Variants in WASL observed in about 807,000 individuals in gnomAD.
The protein encoded by WASL is WASP like actin nucleation promoting factor.
A neutral mutation model predicts 55.5 loss-of-function variants in WASL; 20 were observed. The ratio of observed to expected loss-of-function variants is 0.36; its 90% CI spans 0.25 to 0.52. The LOEUF is 0.52. Among genes scored for constraint, WASL ranks in the 20% least tolerant of loss-of-function variants. The pLI is 0.92. For synonymous variants in WASL, 249 were observed against 217.6 expected (o/e 1.14, Z -1.27); for missense variants, 504 against 622.5 (o/e 0.81, Z 2.03).
At chr7:123,713,188 C>T (rs1803786408) in intron 1 of WASL, among the ~76,000 whole-genome samples, 1 of 152,144 alleles carries the variant, frequency 6.6e-6, no homozygotes, top group South Asian at 2.1e-4. Context: ...TGCTCTGTCA[C>T]CCAGGCAGGA....
At chr7:123,717,303 T>C (rs1199505101) in intron 1 of WASL, among the ~76,000 whole-genome samples, 2 of 152,218 alleles carry the variant, frequency 1.3e-5, no homozygotes, top group African/African-American at 4.8e-5. Flanking sequence ...TTTCAGGATC[T>C]TTTACTTCGT....
At chr7:123,713,615 A>C (rs975851539) in intron 1 of WASL, among the ~76,000 whole-genome samples, 4 of 152,200 alleles carry the variant, frequency 2.6e-5, no homozygotes, top group Admixed American at 6.5e-5. Flanking sequence ...ATTTGGCCTC[A>C]AATGTCTGAA....
chr7:123,702,427 A>C (rs1562959432), intron 5 of WASL, among the ~76,000 whole-genome samples: 1 of 152,170 alleles, frequency 6.6e-6, no homozygotes, highest in South Asian at 2.1e-4. Flanking sequence ...CTGTTATATA[A>C]AGAATTTTCA....
chr7:123,735,671 C>T (rs1019073063), intron 1 of WASL, among the ~76,000 whole-genome samples: 4 of 151,926 alleles, frequency 2.6e-5, no homozygotes, highest in Admixed American at 6.6e-5. Flanking sequence ...GTTTTTATGG[C>T]AGATTAGATA....
chr7:123,733,029 T>C (rs938192452), intron 1 of WASL, among the ~76,000 whole-genome samples: 3 of 152,136 alleles, frequency 2.0e-5, no homozygotes, highest in African/African-American at 7.2e-5. Flanking sequence ...TGATAAAGCA[T>C]TTCCATCAAT....
intron 1 of WASL, among the ~76,000 whole-genome samples, chr7:123,747,896 G>C (rs1804462086): frequency 6.6e-6 from 1 of 152,076 alleles, no homozygotes; most frequent in Admixed American, 6.5e-5. Flanking sequence ...AATCATTCTC[G>C]GCCCCAAAAG....
chr7:123,726,978 C>CATT (rs1804055269), intron 1 of WASL, among the ~76,000 whole-genome samples: 1 of 152,066 alleles, frequency 6.6e-6, no homozygotes, highest in Admixed American at 6.6e-5. Flanking sequence ...CCCTACAAAT[C>CATT]ATTAATAAAG....
chr7:123,700,968 A>C (rs1163119458), intron 5 of WASL, among the ~76,000 whole-genome samples: 1 of 152,192 alleles, frequency 6.6e-6, no homozygotes, highest in Non-Finnish European at 1.5e-5. Context: ...TTCTGTTGAC[A>C]ATGGTTATTT....
At chr7:123,713,853 A>C (rs993785093) in intron 1 of WASL, among the ~76,000 whole-genome samples, 1 of 152,196 alleles carries the variant, frequency 6.6e-6, no homozygotes, top group African/African-American at 2.4e-5. Flanking sequence ...CTGCATCCGC[A>C]ACCAAACGTG....
chr7:123,692,637 A>G lies in WASL; in HGVS notation c.1057T>C (p.Ser353Pro). Residue 353 changes from serine (S) to proline (P), a missense_variant, in exon 9 of 11, where the codon TCA becomes CCA. Around this residue, in one of 5 missense-constraint regions of WASL, gnomAD observed 201 missense variants for 206.2 expected, o/e 0.97. Transcript: ENST00000223023. ...GGTGGTGGAGGCCCTGAAGGTGCTG[A>G]GGAGGGAAGGGCTGGAGGTGGAGGA... ...YPPPPPALPSSAPSGPPPPPP... is the reference protein window; with the variant it reads ...YPPPPPALPSPAPSGPPPPPP... 1.3e-6 allele frequency: 2 copies of G among 1,585,692 alleles called. No individual in the cohort carries two copies. Among genetic ancestry groups the G allele is most frequent in the South Asian group, 2.3e-5 (2 of 88,340 alleles).
intron 5 of WASL, 75 bp downstream of exon 5, chr7:123,704,559 G>GTA (rs1803637922): frequency 8.5e-7 from 1 of 1,182,200 alleles, no homozygotes; most frequent in Admixed American, 2.1e-5. Context: ...TATTACTAAT[G>GTA]TATGGTACAT....
chr7:123,698,931 C>T (rs1303047109), intron 5 of WASL, among the ~76,000 whole-genome samples: 1 of 152,172 alleles, frequency 6.6e-6, no homozygotes, highest in Non-Finnish European at 1.5e-5. Flanking sequence ...TGGTGGTCTA[C>T]TTTTACTTCT....
In WASL at chr7:123,700,203, AAAAAC is replaced by A. The variant is rs1272259426; in HGVS notation, c.461-3461_461-3457del. Among the ~76,000 whole-genome samples the A allele has an allele frequency of 1.6e-3, 115 of 71,950 alleles. 12 individuals carry two copies. Among genetic ancestry groups the A allele is most frequent in the South Asian group, 4.8e-3 (8 of 1,666 alleles). The allele number at this position is 71,950 out of a possible 152,430, so 47.2% of individuals were successfully genotyped here. Reference sequence around the variant, plus strand: ...AAAAAAAAAAAAAAAAAAAAAAAAAAAAAACAACATTATTTAAGTAAGACTATAAA... The same window carrying A: ...AAAAAAAAAAAAAAAAAAAAAAAAAAAACATTATTTAAGTAAGACTATAAA... On this transcript the variant is annotated intron_variant, in intron 5 of 10. Coordinates refer to ENST00000223023, the MANE Select transcript of WASL (RefSeq NM_003941.4).
intron 10 of WASL, among the ~76,000 whole-genome samples, chr7:123,688,273 C>T (rs936604916): frequency 3.9e-5 from 6 of 152,234 alleles, no homozygotes; most frequent in South Asian, 2.1e-4. Flanking sequence ...TATTCTTTAG[C>T]AAACTCTAGA....
rs138261808 is a variant in WASL, at chr7:123,727,936, T to C, written c.118-18713A>G. ...CTTCATTTCATGGTAGCTAGATAAA[T>C]TGGAAAGAAAGCTCTTATAAACAAT... On this transcript the variant is annotated intron_variant, in intron 1 of 10. Transcript: ENST00000223023. Among the ~76,000 whole-genome samples the C allele has an allele frequency of 1.9e-3, 287 of 152,296 alleles. 1 individual carries two copies. The highest frequency in any genetic ancestry group is 3.0e-3 in the Non-Finnish European group (205 of 68,014).
chr7:123,716,504 T>C (rs934627544), intron 1 of WASL, among the ~76,000 whole-genome samples: 9 of 151,674 alleles, frequency 5.9e-5, no homozygotes, highest in Non-Finnish European at 1.3e-4. Context: ...TGCCTCACCC[T>C]CCCAAAGTGC....
intron 2 of WASL, among the ~76,000 whole-genome samples, chr7:123,707,169 T>C (rs554314104): frequency 6.6e-6 from 1 of 152,144 alleles, no homozygotes; most frequent in East Asian, 1.9e-4. Context: ...ATAGAAGGAA[T>C]AGGATACTTT....
chr7:123,706,379 A>G lies in WASL; in HGVS notation c.340-6T>C. On this transcript the variant is annotated splice_polypyrimidine_tract_variant and splice_region_variant and intron_variant, in intron 3 of 10. Coordinates refer to ENST00000223023, the MANE Select transcript of WASL (RefSeq NM_003941.4). ...TTAAGAGCAACTTGACAAGTCTGAA[A>G]TATTTTCATCACAAAGGGGAAACAA... is the stretch of plus-strand genomic sequence containing the variant. The G allele has an allele frequency of 6.2e-7, 1 of 1,611,760 alleles. No individual in the cohort carries two copies. Among genetic ancestry groups the G allele is most frequent in the Non-Finnish European group, 8.5e-7 (1 of 1,178,408 alleles).
At chr7:123,723,763 C>CAGCTTCCT (rs1416566692) in intron 1 of WASL, among the ~76,000 whole-genome samples, 1 of 152,174 alleles carries the variant, frequency 6.6e-6, no homozygotes, top group African/African-American at 2.4e-5. Flanking sequence ...CAGAGCTTCC[C>CAGCTTCCT]AGCTTCCTGC....
Sources: gnomAD v4.1 joint callset for allele counts (sites outside exome capture counted in the v4.1 genomes callset) on GRCh38, gnomAD v4.1.1 for gene constraint, gnomAD v4.1.1 regional missense constraint, MANE v1.5 for transcripts, NCBI Gene and HGNC (gene_info 2026-07-23, HGNC 2026-07-21) for gene names.